The following SHROOM3 variants were observed in gnomAD, a reference collection of about 807,000 sequenced individuals.
SHROOM3 encodes the protein shroom family member 3, also known as protein Shroom3.
Under a neutral mutation model 138.6 loss-of-function variants are expected in SHROOM3, and 47 were observed. The observed-to-expected ratio is 0.34, with a 90% confidence interval of 0.27 to 0.43. SHROOM3 has a LOEUF of 0.43. SHROOM3 is among the 20% of genes least tolerant of loss of function. SHROOM3 has a pLI of 1.00. For missense variants in SHROOM3, 2,491 were observed against 2,596.5 expected (o/e 0.96, Z 0.88); for synonymous variants, 1,062 against 1,063.3 (o/e 1.00, Z 0.02).
chr4:76,768,930 CACTT>C (rs886090096), intron 9 of SHROOM3, among the ~76,000 whole-genome samples: 3 of 152,160 alleles, frequency 2.0e-5, no homozygotes, highest in African/African-American at 4.8e-5. Context: ...GAACCTCACT[CACTT>C]GTGAAGTACC....
chr4:76,511,090 G>C (rs965765684), intron 1 of SHROOM3, among the ~76,000 whole-genome samples: 7 of 152,052 alleles, frequency 4.6e-5, no homozygotes, highest in African/African-American at 1.7e-4. Context: ...GCTGAGGCAG[G>C]AGAATCGCTT....
rs150903706 is a variant in SHROOM3 at position 76,537,930 on chromosome 4, C to T, written c.169-17679C>T. 5.5e-3 allele frequency among the ~76,000 whole-genome samples: 831 copies of T among 152,226 alleles called. 10 individuals carry two copies. The highest frequency in any genetic ancestry group is 0.019 in the African/African-American group (773 of 41,546). On this transcript the variant is annotated intron_variant, in intron 1 of 10. Coordinates refer to ENST00000296043, the MANE Select transcript of SHROOM3 (RefSeq NM_020859.4). ...ATTTTATCTTATTTTATTTTTGAGA[C>T]GGAGTCTCCCTCTGTTGCCCAGGCT... is the stretch of plus-strand genomic sequence containing the variant.
chr4:76,440,272 G>A (rs1042019309), intron 1 of SHROOM3, among the ~76,000 whole-genome samples: 5 of 152,248 alleles, frequency 3.3e-5, no homozygotes, highest in Middle Eastern at 6.8e-3. Context: ...TGTGGGACAC[G>A]CACCCAGAAT....
intron 2 of SHROOM3, among the ~76,000 whole-genome samples, chr4:76,708,860 A>G (rs1166601513): frequency 2.0e-5 from 3 of 152,208 alleles, no homozygotes; most frequent in Non-Finnish European, 4.4e-5. Context: ...TCAGTTCATT[A>G]TTGACATAAC....
Position 76,710,358 on chromosome 4 carries a change from G to C in SHROOM3, c.455+71G>C. 5 of 1,590,918 alleles carry C rather than the reference G, an allele frequency of 3.1e-6. No individual in the cohort carries two copies. The South Asian group carries it at 5.6e-5, about 18-fold the overall frequency. On this transcript the variant is annotated intron_variant, in intron 3 of 10. Transcript: ENST00000296043. ...AGTCCAAAAAGCCACTCAGCTGCTG[G>C]GAGAGGAGTCGGGGGCAAGGATGGT...
chr4:76,441,385 G>T (rs893225065), intron 1 of SHROOM3, among the ~76,000 whole-genome samples: 3 of 151,848 alleles, frequency 2.0e-5, no homozygotes, highest in East Asian at 3.9e-4. Flanking sequence ...GAGCCACCGC[G>T]CCCAGCCCCT....
At chr4:76,696,192 C>T (rs1328797049) in intron 2 of SHROOM3, among the ~76,000 whole-genome samples, 1 of 152,220 alleles carries the variant, frequency 6.6e-6, no homozygotes, top group Non-Finnish European at 1.5e-5. Flanking sequence ...TGTGCAAAAG[C>T]TCCACTTCAG....
chr4:76,612,661 G>T (rs1734787658), intron 2 of SHROOM3, among the ~76,000 whole-genome samples: 1 of 152,150 alleles, frequency 6.6e-6, no homozygotes, highest in African/African-American at 2.4e-5. Context: ...AAAGTAGGCT[G>T]GGCATGGTGG....
chr4:76,571,001 G>T (rs1260713567), intron 2 of SHROOM3, among the ~76,000 whole-genome samples: 7 of 152,136 alleles, frequency 4.6e-5, no homozygotes, highest in Non-Finnish European at 1.0e-4. Flanking sequence ...TGGACCAATT[G>T]TTATCAGTTT....
intron 2 of SHROOM3, among the ~76,000 whole-genome samples, chr4:76,675,548 C>T (rs545709171): frequency 6.6e-6 from 1 of 152,062 alleles, no homozygotes; most frequent in Non-Finnish European, 1.5e-5. Context: ...GTCTAGTTGT[C>T]AAAATCCTGG....
At chr4:76,744,326 C>T (rs1721361334) in intron 5 of SHROOM3, among the ~76,000 whole-genome samples, 1 of 152,178 alleles carries the variant, frequency 6.6e-6, no homozygotes, top group South Asian at 2.1e-4. Flanking sequence ...TTCTTTTGTA[C>T]TGCTTTGCTC....
intron 3 of SHROOM3, among the ~76,000 whole-genome samples, chr4:76,720,189 A>G (rs1413057997): frequency 4.2e-5 from 5 of 119,332 alleles, no homozygotes; most frequent in Admixed American, 2.0e-4. Flanking sequence ...TTGTGAATCC[A>G]AAAGGTCTGA....
intron 4 of SHROOM3, among the ~76,000 whole-genome samples, chr4:76,735,850 AAAAAAAAAAAAAAAAAAAATATATATAT>A (rs886799690): frequency 3.3e-5 from 2 of 60,594 alleles, no homozygotes; most frequent in African/African-American, 1.1e-4. Flanking sequence ...AAAAAAAAAA[AAAAAAAAAAAAAAAAAAAATATATATAT>A]ATATATATAT....
At chr4:76,627,936 T>A (rs1357687652) in intron 2 of SHROOM3, among the ~76,000 whole-genome samples, 2 of 152,210 alleles carry the variant, frequency 1.3e-5, no homozygotes, top group African/African-American at 2.4e-5. Flanking sequence ...CCAAGTTAGT[T>A]CCTATAATTC....
intron 2 of SHROOM3, among the ~76,000 whole-genome samples, chr4:76,686,219 T>G (rs1719331464): frequency 6.6e-6 from 1 of 152,012 alleles, no homozygotes; most frequent in Admixed American, 6.6e-5. Context: ...GGCGTCCCCC[T>G]ATGTTGCCCA....
At chr4:76,735,248 A>T (rs1387167227) in intron 4 of SHROOM3, among the ~76,000 whole-genome samples, 1 of 152,180 alleles carries the variant, frequency 6.6e-6, no homozygotes, top group Non-Finnish European at 1.5e-5. Flanking sequence ...CCCATCATTA[A>T]AAGTGCCATT....
intron 1 of SHROOM3, among the ~76,000 whole-genome samples, chr4:76,516,574 A>T (rs1248280967): frequency 6.6e-6 from 1 of 152,076 alleles, no homozygotes; most frequent in Non-Finnish European, 1.5e-5. Context: ...CTCATAATAT[A>T]TGAAAACAGG....
chr4:76,488,856 CTTGTTTT>C (rs1731791301), intron 1 of SHROOM3, among the ~76,000 whole-genome samples: 1 of 50,692 alleles, frequency 2.0e-5, no homozygotes, highest in South Asian at 4.7e-4. Flanking sequence ...GAGGTCAAAA[CTTGTTTT>C]TATCCCCAAT....
intron 2 of SHROOM3, among the ~76,000 whole-genome samples, chr4:76,660,469 A>G (rs1372273524): frequency 6.6e-6 from 1 of 151,992 alleles, no homozygotes; most frequent in Non-Finnish European, 1.5e-5. Context: ...ATTATTTTTT[A>G]TATTTATTTT....
Sources: allele counts gnomAD v4.1 joint callset (sites outside exome capture counted in the v4.1 genomes callset), GRCh38; gene constraint gnomAD v4.1.1; transcripts MANE v1.5; gene names NCBI Gene and HGNC (gene_info 2026-07-23, HGNC 2026-07-21).